The following TSHZ2 variants were observed in gnomAD, a reference collection of about 807,000 sequenced individuals.
TSHZ2 encodes the protein teashirt homolog 2.
Under a neutral mutation model 74.4 loss-of-function variants are expected in TSHZ2, and 21 were observed. That is an observed-to-expected ratio of 0.28 (90% CI 0.20 to 0.41). The LOEUF is 0.41. TSHZ2 is among the 10% of genes least tolerant of loss of function. The pLI is 1.00. For missense variants in TSHZ2, 1,244 were observed against 1,293.5 expected (o/e 0.96, Z 0.59); for synonymous variants, 540 against 515.3 (o/e 1.05, Z -0.65).
chr20:52,997,887 C>T (rs1486424198), intron 1 of TSHZ2, among the ~76,000 whole-genome samples: 1 of 152,190 alleles, frequency 6.6e-6, no homozygotes, highest in Non-Finnish European at 1.5e-5. Flanking sequence ...AACAGATGGC[C>T]TTACATCTTC....
intron 2 of TSHZ2, among the ~76,000 whole-genome samples, chr20:53,319,039 G>A (rs552941694): frequency 9.2e-5 from 14 of 152,234 alleles, no homozygotes; most frequent in African/African-American, 3.4e-4. Flanking sequence ...GAATAGCACG[G>A]GCAAGGCTCT....
At position 53,017,923 on chromosome 20, in the gene TSHZ2, G is replaced by A. The variant is rs111746246; in HGVS notation, c.40+44590G>A. On this transcript the variant is annotated intron_variant, in intron 1 of 2. Transcript: ENST00000371497. The stretch of plus-strand genomic sequence containing the variant: ...GGATTTTATTAATCTTGGTATTTTC[G>A]GCTACTGATCCAAATAGATATTTTA... Among the ~76,000 whole-genome samples the A allele has an allele frequency of 4.0e-3, 609 of 151,960 alleles. 7 individuals carry two copies. The highest frequency in any genetic ancestry group is 0.014 in the African/African-American group (565 of 41,448).
chr20:53,070,963 G>A (rs1351638637), intron 1 of TSHZ2, among the ~76,000 whole-genome samples: 1 of 152,170 alleles, frequency 6.6e-6, no homozygotes, highest in Non-Finnish European at 1.5e-5. Context: ...ACACTGAGGT[G>A]TTTAAAGTAA....
intron 1 of TSHZ2, among the ~76,000 whole-genome samples, chr20:53,207,538 T>TG (rs528467103): frequency 4.2e-4 from 64 of 152,290 alleles, no homozygotes; most frequent in Non-Finnish European, 7.2e-4. Context: ...GGGACATGGC[T>TG]GCAGAGGCCT....
At chr20:53,239,109 A>G (rs1990007892) in intron 1 of TSHZ2, among the ~76,000 whole-genome samples, 1 of 152,180 alleles carries the variant, frequency 6.6e-6, no homozygotes, top group African/African-American at 2.4e-5. Flanking sequence ...TGTCCTGTGC[A>G]TTGTAGGATG....
chr20:53,480,772 A>G (rs1006614787), intron 2 of TSHZ2, among the ~76,000 whole-genome samples: 1 of 152,106 alleles, frequency 6.6e-6, no homozygotes, highest in Admixed American at 6.5e-5. Flanking sequence ...GAGTGAAGAG[A>G]GAAGGGGGTA....
intron 2 of TSHZ2, among the ~76,000 whole-genome samples, chr20:53,281,344 A>G (rs1486124045): frequency 6.6e-6 from 1 of 152,184 alleles, no homozygotes; most frequent in Non-Finnish European, 1.5e-5. Context: ...TGAGGTCAAA[A>G]AAAGCTTGGT....
chr20:52,982,785 G>C (rs886570412), intron 1 of TSHZ2, among the ~76,000 whole-genome samples: 2 of 152,148 alleles, frequency 1.3e-5, no homozygotes, highest in Non-Finnish European at 2.9e-5. Flanking sequence ...TATATAGAGT[G>C]GTCAGGGGAG....
intron 1 of TSHZ2, among the ~76,000 whole-genome samples, chr20:53,067,623 G>C (rs1336380055): frequency 3.3e-5 from 5 of 152,192 alleles, no homozygotes; most frequent in African/African-American, 1.2e-4. Flanking sequence ...GCCTTCTAAA[G>C]TACTTTCCCA....
chr20:53,492,531 A>G lies in TSHZ2; in HGVS notation c.*5396A>G, dbSNP rs1219351503. On this transcript the variant is annotated 3_prime_UTR_variant, in exon 3 of 3. Coordinates refer to ENST00000371497, the MANE Select transcript of TSHZ2 (RefSeq NM_173485.6). ...AATGTCACAATATCTTGGGTAAAAT[A>G]TACTTTTTGATTTCCTGATGATGTC... The G allele has an allele frequency of 6.6e-6, 1 of 152,202 alleles. No homozygotes were observed. The highest frequency in any genetic ancestry group is 1.5e-5 in the Non-Finnish European group (1 of 68,034). 9.4% of individuals were successfully genotyped at this position (152,202 alleles called of 1,614,324 possible).
At position 53,256,584 on chromosome 20, in the gene TSHZ2, T is replaced by C. The variant is rs755140780; in HGVS notation, c.*8+13T>C. 2.6e-6 allele frequency: 4 copies of C among 1,548,658 alleles called. No homozygotes were observed. The highest frequency in any genetic ancestry group is 1.7e-6 in the Non-Finnish European group (2 of 1,143,668). On this transcript the variant is annotated intron_variant, in intron 2 of 2. Transcript: ENST00000371497. This position sits in a 1 kb window ranked among gnomAD's most constrained non-coding sequence, Gnocchi z 4.3. ...AATAGCTCTGCAGGTATGGGTTTGC[T>C]CTGAGGCATTGCGATTAGCCTGGTG...
intron 2 of TSHZ2, among the ~76,000 whole-genome samples, chr20:53,285,279 G>C (rs1029293544): frequency 6.6e-6 from 1 of 152,312 alleles, no homozygotes; most frequent in Admixed American, 6.5e-5. Flanking sequence ...GCAGTGTTTG[G>C]ATAGGAGTCT....
chr20:53,312,633 A>C (rs891280532), intron 2 of TSHZ2, among the ~76,000 whole-genome samples: 6 of 152,260 alleles, frequency 3.9e-5, no homozygotes, highest in African/African-American at 1.4e-4. Flanking sequence ...TGGGTGAGAC[A>C]TAACAGGCTT....
At chr20:52,994,903 C>A (rs1400542090) in intron 1 of TSHZ2, among the ~76,000 whole-genome samples, 2 of 152,192 alleles carry the variant, frequency 1.3e-5, no homozygotes, top group Non-Finnish European at 2.9e-5. Flanking sequence ...CATTACAGTG[C>A]ACTTGAGGCT....
chr20:53,357,046 C>T (rs943855474), intron 2 of TSHZ2, among the ~76,000 whole-genome samples: 7 of 152,124 alleles, frequency 4.6e-5, no homozygotes, highest in East Asian at 3.9e-4. Flanking sequence ...ATCCCTAAAA[C>T]ACAAAAATCA....
chr20:53,133,535 G>C lies in TSHZ2; in HGVS notation c.41-119964G>C, dbSNP rs138003464. ...GAAAATCAAACCGCCAGAAAGTGAG[G>C]TCATGCAAGCAGGCAGCTCGTCATA... On this transcript the variant is annotated intron_variant, in intron 1 of 2. Transcript: ENST00000371497. Among the ~76,000 whole-genome samples, 513 of 152,282 alleles carry C rather than the reference G, an allele frequency of 3.4e-3. 3 individuals carry two copies. Among genetic ancestry groups the C allele is most frequent in the African/African-American group, 0.012 (478 of 41,548 alleles).
rs1179284768 is a variant in TSHZ2 at position 53,256,398 on chromosome 20, T to A, written c.2940T>A (p.Ser980=). The A allele has an allele frequency of 6.2e-7, 1 of 1,613,874 alleles. No homozygotes were observed. Residue 980 remains serine, a synonymous_variant, in exon 2 of 3, where the codon TCT becomes TCA. Transcript: ENST00000371497. The surrounding 1 kb of genome is among the most constrained non-coding windows in gnomAD (Gnocchi z 4.3). ...CCCGGGTATCGTCGGCTCAGAGGTC[T>A]CCAGAAACAATAGCTGCCGAAGAGG... The part of the protein sequence containing the change: ...EISRVSSAQR[S]PETIAAEEDT...
chr20:53,389,066 C>T (rs1324178514), intron 2 of TSHZ2, among the ~76,000 whole-genome samples: 1 of 152,156 alleles, frequency 6.6e-6, no homozygotes, highest in Admixed American at 6.5e-5. Flanking sequence ...GTAAACCTTG[C>T]AGGCAAGCAG....
chr20:52,985,079 T>C (rs1234837339), intron 1 of TSHZ2, among the ~76,000 whole-genome samples: 1 of 152,126 alleles, frequency 6.6e-6, no homozygotes, highest in African/African-American at 2.4e-5. Context: ...AGGCCACACT[T>C]TTCCACGCAT....
Sources: gnomAD v4.1 joint callset for allele counts (sites outside exome capture counted in the v4.1 genomes callset) on GRCh38, gnomAD v4.1.1 for gene constraint, Gnocchi (gnomAD v3.1) non-coding constraint, MANE v1.5 for transcripts, NCBI Gene and HGNC (gene_info 2026-07-23, HGNC 2026-07-21) for gene names.